PTPRD: variants seen among roughly 807,000 people sequenced by gnomAD.
PTPRD encodes the protein protein tyrosine phosphatase receptor type D, also known as receptor-type tyrosine-protein phosphatase delta.
PTPRD carries 34 observed loss-of-function variants against 214.5 expected under a neutral mutation model. The observed-to-expected ratio is 0.16, with a 90% confidence interval of 0.12 to 0.21. PTPRD has a LOEUF of 0.21. Among genes scored for constraint, PTPRD ranks in the 10% least tolerant of loss-of-function variants. PTPRD has a pLI of 1.00. For missense variants in PTPRD, 2,545 were observed against 2,398.7 expected (o/e 1.06, Z -1.27); for synonymous variants, 1,128 against 845.7 (o/e 1.33, Z -5.79).
At chr9:8,385,497 G>C (rs1014330806) in intron 37 of PTPRD, among the ~76,000 whole-genome samples, 2 of 152,162 alleles carry the variant, frequency 1.3e-5, no homozygotes, top group Non-Finnish European at 2.9e-5. Flanking sequence ...CTGGACAACA[G>C]AGTAAGACTC....
intron 5 of PTPRD, among the ~76,000 whole-genome samples, chr9:9,790,966 G>T (rs1223467623): frequency 6.6e-6 from 1 of 152,050 alleles, no homozygotes; most frequent in Admixed American, 6.5e-5. Flanking sequence ...GAAGACAGAT[G>T]GTTCAGTACA....
At chr9:8,508,950 T>C (rs1361432693) in intron 21 of PTPRD, among the ~76,000 whole-genome samples, 1 of 151,716 alleles carries the variant, frequency 6.6e-6, no homozygotes, top group Non-Finnish European at 1.5e-5. Context: ...TTTGGACTGA[T>C]GCTTAAGGTC....
At chr9:9,454,262 A>G (rs1217385136) in intron 8 of PTPRD, among the ~76,000 whole-genome samples, 1 of 151,614 alleles carries the variant, frequency 6.6e-6, no homozygotes, top group African/African-American at 2.4e-5. Flanking sequence ...GCTTTTACCC[A>G]TTTTCTTGAG....
intron 37 of PTPRD, among the ~76,000 whole-genome samples, chr9:8,377,946 C>A (rs1350203814): frequency 6.6e-6 from 1 of 151,952 alleles, no homozygotes; most frequent in Non-Finnish European, 1.5e-5. Context: ...ACTATTGGCC[C>A]TTCTAAGAAA....
At chr9:9,104,816 G>T (rs1244728536) in intron 10 of PTPRD, among the ~76,000 whole-genome samples, 1 of 152,072 alleles carries the variant, frequency 6.6e-6, no homozygotes, top group South Asian at 2.1e-4. Flanking sequence ...CTATGCACTC[G>T]GGAAACAGGG....
chr9:8,918,011 G>A (rs1389251906), intron 11 of PTPRD, among the ~76,000 whole-genome samples: 1 of 152,150 alleles, frequency 6.6e-6, no homozygotes, highest in African/African-American at 2.4e-5. Flanking sequence ...GGGATTTCGG[G>A]CCTCAGAATC....
intron 3 of PTPRD, among the ~76,000 whole-genome samples, chr9:10,296,410 A>T (rs182207335): frequency 6.6e-6 from 1 of 152,160 alleles, no homozygotes; most frequent in East Asian, 1.9e-4. Flanking sequence ...ACTGAGACTC[A>T]CCAGATCACT....
intron 3 of PTPRD, among the ~76,000 whole-genome samples, chr9:10,109,057 T>C (rs944913250): frequency 4.6e-5 from 7 of 152,148 alleles, no homozygotes; most frequent in African/African-American, 1.7e-4. Context: ...CAGGCTACTG[T>C]ATCAGAAACC....
At chr9:10,141,657 G>C (rs879316491) in intron 3 of PTPRD, among the ~76,000 whole-genome samples, 1 of 151,872 alleles carries the variant, frequency 6.6e-6, no homozygotes, top group African/African-American at 2.4e-5. Flanking sequence ...AATCAATATC[G>C]TGAAAATGGC....
At chr9:9,845,452 T>G (rs2153651429) in intron 5 of PTPRD, among the ~76,000 whole-genome samples, 1 of 151,458 alleles carries the variant, frequency 6.6e-6, no homozygotes. Context: ...ACCCCTTAAG[T>G]GAATTATAGA....
chr9:9,593,258 A>G (rs1431892218), intron 7 of PTPRD, among the ~76,000 whole-genome samples: 1 of 148,900 alleles, frequency 6.7e-6, no homozygotes, highest in African/African-American at 2.5e-5. Context: ...TGTACTGTGG[A>G]TAGGTAGGAT....
chr9:9,756,397 T>C (rs2098578540), intron 6 of PTPRD, among the ~76,000 whole-genome samples: 1 of 152,132 alleles, frequency 6.6e-6, no homozygotes, highest in Non-Finnish European at 1.5e-5. Context: ...GTAACATTTA[T>C]TCAGTTTTAA....
At chr9:9,955,065 G>C (rs139485234) in intron 4 of PTPRD, among the ~76,000 whole-genome samples, 1 of 152,162 alleles carries the variant, frequency 6.6e-6, no homozygotes, top group African/African-American at 2.4e-5. Flanking sequence ...GCATTTTAGT[G>C]AAGTAAAGAA....
intron 7 of PTPRD, among the ~76,000 whole-genome samples, chr9:9,644,124 G>A (rs115964912): frequency 0.012 from 1,857 of 152,172 alleles, 43 homozygotes; most frequent in African/African-American, 0.042. Flanking sequence ...AAGTGTTTTT[G>A]GTAATTACAT....
At position 10,449,249 on chromosome 9, in the gene PTPRD, C is replaced by G. The variant is rs571152952; in HGVS notation, c.-599-108232G>C. On this transcript the variant is annotated intron_variant, in intron 2 of 45. Coordinates refer to ENST00000381196, the MANE Select transcript of PTPRD (RefSeq NM_002839.4). ...GGAGACGAGGTTTCGCCGCGTTGGC[C>G]GGGCTGGTCTCCAGCTCCTGACGGC... Among the ~76,000 whole-genome samples the G allele has an allele frequency of 8.6e-5, 13 of 151,916 alleles. 1 individual carries two copies. Among genetic ancestry groups the G allele is most frequent in the Admixed American group, 6.5e-4 (10 of 15,292 alleles).
chr9:10,408,869 T>C (rs1157093211), intron 2 of PTPRD, among the ~76,000 whole-genome samples: 1 of 151,766 alleles, frequency 6.6e-6, no homozygotes, highest in African/African-American at 2.4e-5. Context: ...ACTTCAGTGC[T>C]CAGTATATGT....
intron 8 of PTPRD, among the ~76,000 whole-genome samples, chr9:9,435,864 A>T (rs1252767284): frequency 6.6e-6 from 1 of 152,222 alleles, no homozygotes; most frequent in Non-Finnish European, 1.5e-5. Context: ...CCAGCAAAAG[A>T]TTTAATATTG....
At chr9:9,336,342 A>G (rs183332692) in intron 9 of PTPRD, among the ~76,000 whole-genome samples, 289 of 152,202 alleles carry the variant, frequency 1.9e-3, no homozygotes, top group Non-Finnish European at 2.5e-3. Context: ...GTGAGTTGGA[A>G]CTCAGGGAAG....
chr9:8,961,982 C>T (rs2099161103), intron 11 of PTPRD: 1 of 152,028 alleles, frequency 6.6e-6, no homozygotes, highest in Admixed American at 6.6e-5. Context: ...TGGAAAAATC[C>T]AGTCAATGCG....
Sources: allele counts gnomAD v4.1 joint callset (sites outside exome capture counted in the v4.1 genomes callset), GRCh38; gene constraint gnomAD v4.1.1; transcripts MANE v1.5; gene names NCBI Gene and HGNC (gene_info 2026-07-23, HGNC 2026-07-21).